KHDRBS2: variants seen among roughly 807,000 people sequenced by gnomAD.
KHDRBS2 encodes the protein KH RNA binding domain containing, signal transduction associated 2, also known as KH domain-containing, RNA-binding, signal transduction-associated protein 2.
In KHDRBS2, 26 loss-of-function variants were observed where a neutral mutation model predicts 44.3. The ratio of observed to expected loss-of-function variants is 0.59; its 90% CI spans 0.43 to 0.81. KHDRBS2 has a LOEUF of 0.81. KHDRBS2 is among the 40% of genes least tolerant of loss of function. KHDRBS2 has a pLI of 0.00. For synonymous variants in KHDRBS2, 194 were observed against 151.1 expected (o/e 1.28, Z -2.08); for missense variants, 476 against 433.1 (o/e 1.10, Z -0.88).
the KHDRBS2 span, among the ~76,000 whole-genome samples, chr6:61,596,935 C>T: frequency 6.6e-6 from 1 of 152,084 alleles, no homozygotes; most frequent in African/African-American, 2.4e-5. Flanking sequence ...CAGGTGTGAG[C>T]CACCGTGCCC....
chr6:61,775,101 C>A (rs1781722348), intron 6 of KHDRBS2, among the ~76,000 whole-genome samples: 1 of 152,038 alleles, frequency 6.6e-6, no homozygotes. Context: ...ACCCTTCATG[C>A]TAAAAGCTCT....
intron 2 of KHDRBS2, among the ~76,000 whole-genome samples, chr6:62,069,353 C>A (rs879579480): frequency 6.6e-6 from 1 of 151,726 alleles, no homozygotes; most frequent in Non-Finnish European, 1.5e-5. Flanking sequence ...GTTTATCCAA[C>A]CGTAAGTTTA....
intron 3 of KHDRBS2, among the ~76,000 whole-genome samples, chr6:62,024,051 A>T (rs1349145017): frequency 1.3e-5 from 2 of 151,358 alleles, no homozygotes; most frequent in East Asian, 3.9e-4. Context: ...TATAAAAAAA[A>T]GTTAAATATG....
intron 4 of KHDRBS2, among the ~76,000 whole-genome samples, chr6:61,942,986 G>A (rs1222234083): frequency 7.5e-6 from 1 of 133,572 alleles, no homozygotes; most frequent in Non-Finnish European, 1.6e-5. Context: ...GGAGGGGGAG[G>A]TAGGGAAGAA....
At chr6:62,090,373 T>C (rs995983680) in intron 2 of KHDRBS2, among the ~76,000 whole-genome samples, 1 of 152,174 alleles carries the variant, frequency 6.6e-6, no homozygotes, top group Non-Finnish European at 1.5e-5. Flanking sequence ...TTAATACTCA[T>C]TATCAACTAG....
chr6:61,679,435 T>C (rs561324304), downstream of KHDRBS2, among the ~76,000 whole-genome samples: 2 of 152,066 alleles, frequency 1.3e-5, no homozygotes, highest in African/African-American at 2.4e-5. Context: ...ATCAGGAACT[T>C]AATAACTGAG....
intron 6 of KHDRBS2, among the ~76,000 whole-genome samples, chr6:61,838,455 A>G (rs1793067210): frequency 6.6e-6 from 1 of 152,016 alleles, no homozygotes; most frequent in Admixed American, 6.6e-5. Context: ...TATTTCTTCT[A>G]TGTACAATTT....
chr6:61,697,162 G>C (rs1555167), intron 8 of KHDRBS2, 33 bp downstream of exon 8: 2 of 1,398,074 alleles, frequency 1.4e-6, no homozygotes, highest in South Asian at 2.3e-5. Flanking sequence ...TGGATGTTCC[G>C]ATTTCACAGT....
chr6:61,754,086 C>T (rs1374728574), intron 6 of KHDRBS2, among the ~76,000 whole-genome samples: 7 of 152,164 alleles, frequency 4.6e-5, no homozygotes, highest in African/African-American at 1.2e-4. Context: ...TTCTGGCCTC[C>T]GGAACTGCGA....
At chr6:62,123,283 T>A (rs1231475701) in intron 2 of KHDRBS2, among the ~76,000 whole-genome samples, 1 of 152,212 alleles carries the variant, frequency 6.6e-6, no homozygotes, top group Non-Finnish European at 1.5e-5. Flanking sequence ...CACATTTTCT[T>A]AATCCAGTCT....
At chr6:62,193,825 C>T in intron 1 of KHDRBS2, among the ~76,000 whole-genome samples, 1 of 152,016 alleles carries the variant, frequency 6.6e-6, no homozygotes, top group Non-Finnish European at 1.5e-5. Context: ...TCTTTAATAA[C>T]CAATGAAGTT....
At chr6:61,613,850 A>G in the KHDRBS2 span, among the ~76,000 whole-genome samples, 1 of 152,154 alleles carries the variant, frequency 6.6e-6, no homozygotes, top group African/African-American at 2.4e-5. Flanking sequence ...ATAAACAACC[A>G]ACAGCAACAT....
chr6:62,066,289 C>T (rs1348907416), intron 2 of KHDRBS2, among the ~76,000 whole-genome samples: 4 of 151,734 alleles, frequency 2.6e-5, no homozygotes, highest in East Asian at 2.0e-4. Flanking sequence ...TGTAGAGGTA[C>T]CTGACTGAAT....
intron 3 of KHDRBS2, among the ~76,000 whole-genome samples, chr6:61,998,504 A>C (rs1777638074): frequency 6.6e-6 from 1 of 152,126 alleles, no homozygotes; most frequent in South Asian, 2.1e-4. Context: ...TGGGCCAAAC[A>C]TGCCAAATTT....
At chr6:61,677,930 C>T (rs1195471658), downstream of KHDRBS2, among the ~76,000 whole-genome samples, 1 of 151,874 alleles carries the variant, frequency 6.6e-6, no homozygotes, top group Admixed American at 6.6e-5. Flanking sequence ...TCTGTCACTG[C>T]CCCCTTTTCC....
At chr6:61,840,286 C>T (rs1793396313) in intron 6 of KHDRBS2, among the ~76,000 whole-genome samples, 1 of 151,994 alleles carries the variant, frequency 6.6e-6, no homozygotes, top group Non-Finnish European at 1.5e-5. Flanking sequence ...TTTTGCATCA[C>T]AAAGCAGGTA....
intron 5 of KHDRBS2, among the ~76,000 whole-genome samples, chr6:61,899,731 AT>A (rs149751037): frequency 0.21 from 23,145 of 109,114 alleles, 2,403 homozygotes; most frequent in East Asian, 0.39. Context: ...CATTGTTTTA[AT>A]GCCCCCCCCC....
intron 3 of KHDRBS2, among the ~76,000 whole-genome samples, chr6:62,046,479 G>GA (rs1787718736): frequency 6.6e-6 from 1 of 151,906 alleles, no homozygotes; most frequent in South Asian, 2.1e-4. Flanking sequence ...CCATGCTGGG[G>GA]AGATGATGAC....
At chr6:62,272,637 A>G (rs557507629) in intron 1 of KHDRBS2, among the ~76,000 whole-genome samples, 21 of 152,286 alleles carry the variant, frequency 1.4e-4, no homozygotes, top group Admixed American at 1.2e-3. Flanking sequence ...AAAAGTATCA[A>G]GATGTTGGCA....
Sources: allele counts gnomAD v4.1 joint callset (sites outside exome capture counted in the v4.1 genomes callset), GRCh38; gene constraint gnomAD v4.1.1; transcripts MANE v1.5; gene names NCBI Gene and HGNC (gene_info 2026-07-23, HGNC 2026-07-21).